Variants in TRIM33 observed in about 807,000 individuals in gnomAD.
TRIM33 encodes tripartite motif containing 33.
In TRIM33, 20 loss-of-function variants were observed where a neutral mutation model predicts 125.4. The ratio of observed to expected loss-of-function variants is 0.16; its 90% CI spans 0.11 to 0.23. The LOEUF (loss-of-function observed/expected upper bound fraction) is 0.23. TRIM33 is among the 10% of genes least tolerant of loss of function. The probability of loss-of-function intolerance (pLI) is 1.00; values close to 1 mark genes in which losing one functional copy is unlikely to be tolerated. For synonymous variants in TRIM33, 564 were observed against 513.9 expected (o/e 1.10, Z -1.32); for missense variants, 920 against 1,411.4 (o/e 0.65, Z 5.58).
chr1:114,462,627 G>A (rs1452613844), intron 4 of TRIM33, among the ~76,000 whole-genome samples: 1 of 152,006 alleles, frequency 6.6e-6, no homozygotes, highest in South Asian at 2.1e-4. Context: ...GAATTCTGAG[G>A]GTACAAGGCT....
chr1:114,439,639 A>G (rs1648533121), intron 4 of TRIM33, among the ~76,000 whole-genome samples: 1 of 151,972 alleles, frequency 6.6e-6, no homozygotes, highest in African/African-American at 2.4e-5. Context: ...AATATTAGAA[A>G]TAGTAGTTAC....
At chr1:114,425,810 T>A in intron 8 of TRIM33, 87 bp from the exon 9 acceptor site, 1 of 969,512 alleles carries the variant, frequency 1.0e-6, no homozygotes, top group Non-Finnish European at 1.5e-6. Flanking sequence ...CTCTTTCCTC[T>A]GACAACTATC....
intron 1 of TRIM33, among the ~76,000 whole-genome samples, chr1:114,488,426 CT>C: frequency 6.6e-6 from 1 of 152,182 alleles, no homozygotes; most frequent in Middle Eastern, 3.4e-3. Flanking sequence ...GTAATGCTAT[CT>C]ATTAATACAA....
intron 1 of TRIM33, among the ~76,000 whole-genome samples, chr1:114,504,321 A>G (rs1425361086): frequency 6.6e-6 from 1 of 152,004 alleles, no homozygotes; most frequent in Non-Finnish European, 1.5e-5. Flanking sequence ...ACGCACTACC[A>G]TGCCTATTTA....
intron 1 of TRIM33, among the ~76,000 whole-genome samples, chr1:114,464,747 G>A (rs114471385): frequency 1.1e-3 from 163 of 152,266 alleles, no homozygotes; most frequent in African/African-American, 3.4e-3. Context: ...TTTGTCCAGC[G>A]GGTCCTAAAC....
chr1:114,395,093 T>C lies in TRIM33; in HGVS notation c.*2555A>G, dbSNP rs747984697. The C allele has an allele frequency of 5.2e-6, 1 of 193,266 alleles. No homozygotes were observed. Among genetic ancestry groups the C allele is most frequent in the Non-Finnish European group, 1.1e-5 (1 of 92,726 alleles). 12.0% of individuals were successfully genotyped at this position (193,266 alleles called of 1,614,324 possible). Reference sequence around the variant, plus strand: ...ATCTAAATATCAATTTAAGTTTTTATACTTTTTAACCATAGGTATATTAGA... The same window carrying C: ...ATCTAAATATCAATTTAAGTTTTTACACTTTTTAACCATAGGTATATTAGA... On this transcript the variant is annotated 3_prime_UTR_variant, in exon 20 of 20. Coordinates refer to ENST00000358465, the MANE Select transcript of TRIM33 (RefSeq NM_015906.4).
intron 11 of TRIM33, among the ~76,000 whole-genome samples, chr1:114,421,040 C>A (rs915314772): frequency 6.6e-6 from 1 of 152,078 alleles, no homozygotes. Context: ...ATATACTATA[C>A]AGCCTCTAAA....
chr1:114,452,752 A>G (rs1572071518), intron 4 of TRIM33, among the ~76,000 whole-genome samples: 1 of 134,256 alleles, frequency 7.4e-6, no homozygotes, highest in East Asian at 2.2e-4. Context: ...AAAAAAAAAA[A>G]TTAGCCAGGG....
At chr1:114,488,101 C>T (rs1052970030) in intron 1 of TRIM33, among the ~76,000 whole-genome samples, 1 of 152,010 alleles carries the variant, frequency 6.6e-6, no homozygotes, top group Non-Finnish European at 1.5e-5. Context: ...CTATACTTCA[C>T]TCCAAATGGT....
At position 114,395,758 on chromosome 1, in the gene TRIM33, T is replaced by A. The variant is rs1651511143; in HGVS notation, c.*1890A>T. On this transcript the variant is annotated 3_prime_UTR_variant, in exon 20 of 20. Transcript: ENST00000358465. ...ATTTTCAACGGCTTAAATTATTTTTTAAAAATTGAAAGAAAAGTGAAAAGG... is the reference window on the plus strand; with the variant it reads ...ATTTTCAACGGCTTAAATTATTTTTAAAAAATTGAAAGAAAAGTGAAAAGG... 1.1e-5 allele frequency: 2 copies of A among 189,580 alleles called. No homozygotes were observed. The highest frequency in any genetic ancestry group is 8.4e-5 in the East Asian group (1 of 11,878). The allele number at this position is 189,580 out of a possible 1,614,324, so 11.7% of individuals were successfully genotyped here. A position where few individuals can be genotyped will look rare whatever the true frequency, so the allele number is the denominator to read the frequency against.
At chr1:114,419,371 A>T (rs934721440) in intron 11 of TRIM33, among the ~76,000 whole-genome samples, 6 of 151,936 alleles carry the variant, frequency 3.9e-5, no homozygotes, top group Non-Finnish European at 7.4e-5. Context: ...GGTCTCCGTG[A>T]ATTGATTTTG....
At chr1:114,398,128 C>T (rs961877403) in intron 18 of TRIM33, 138 bp from the exon 19 acceptor site, 1 of 815,486 alleles carries the variant, frequency 1.2e-6, no homozygotes, top group South Asian at 1.8e-5. Flanking sequence ...AAGTGCTTTT[C>T]TAAAATTCTA....
chr1:114,434,809 C>T lies in TRIM33; in HGVS notation c.924-1076G>A, dbSNP rs957009080. 2.6e-5 allele frequency among the ~76,000 whole-genome samples: 4 copies of T among 152,144 alleles called. No homozygotes were observed. The East Asian group carries it at 7.7e-4, about 29-fold the overall frequency. On this transcript the variant is annotated intron_variant, in intron 4 of 19. Transcript: ENST00000358465. ...ATATATAATTTACAAGAAACCACTGCCTAAATCGGCCTCAATACCAAGAAA... is the reference window on the plus strand; with the variant it reads ...ATATATAATTTACAAGAAACCACTGTCTAAATCGGCCTCAATACCAAGAAA...
In TRIM33 at chr1:114,412,770, G is replaced by A. The variant is rs118059743; in HGVS notation, c.2062-2454C>T. Among the ~76,000 whole-genome samples, 132 of 152,170 alleles carry A rather than the reference G, an allele frequency of 8.7e-4. 1 individual carries two copies. The East Asian group carries it at 0.016, about 19-fold the overall frequency. ...CATTTATTTGCAGGTGGATATTTGG[G>A]TTGTTTCCAGTTTTTGTCTTATTAC... On this transcript the variant is annotated intron_variant, in intron 11 of 19. Coordinates refer to ENST00000358465, the MANE Select transcript of TRIM33 (RefSeq NM_015906.4).
intron 1 of TRIM33, among the ~76,000 whole-genome samples, chr1:114,465,446 T>C (rs997108959): frequency 6.6e-6 from 1 of 152,180 alleles, no homozygotes; most frequent in African/African-American, 2.4e-5. Context: ...CCCCATGAGT[T>C]GTGTAGTACA....
rs1057223259 is a variant in TRIM33, at chr1:114,475,722, A to T, written c.527-11334T>A. On this transcript the variant is annotated intron_variant, in intron 1 of 19. Coordinates refer to ENST00000358465, the MANE Select transcript of TRIM33 (RefSeq NM_015906.4). The stretch of plus-strand genomic sequence containing the variant: ...GTTTAACAAAGCAAAAGAGAATGCC[A>T]CTTAGTATGACCAAGAAAAAACAGC... 4.6e-5 allele frequency among the ~76,000 whole-genome samples: 7 copies of T among 152,106 alleles called. No homozygotes were observed. The East Asian group carries it at 1.3e-3, about 29-fold the overall frequency.
intron 4 of TRIM33, among the ~76,000 whole-genome samples, chr1:114,461,246 A>G (rs1349359443): frequency 1.4e-5 from 2 of 145,232 alleles, no homozygotes; most frequent in Non-Finnish European, 1.5e-5. Flanking sequence ...ACATATATTT[A>G]TATTTTATAT....
rs1287498159 is a variant in TRIM33, at chr1:114,510,747, C to A, written c.330G>T (p.Ser110=). 2.0e-6 allele frequency: 3 copies of A among 1,523,760 alleles called. No homozygotes were observed. The highest frequency in any genetic ancestry group is 1.2e-5 in the South Asian group (1 of 82,704). The allele number at this position is 1,523,760 out of a possible 1,614,324, so 94.4% of individuals were successfully genotyped here. Residue 110 remains serine (S), a synonymous_variant, in exon 1 of 20, where the codon TCG becomes TCT. Coordinates refer to ENST00000358465, the MANE Select transcript of TRIM33 (RefSeq NM_015906.4). ...APASAPAPGP[S]AGPPPGPPAS... ...CTGGCGGTCCAGGAGGCGGCCCTGC[C>A]GAGGGACCCGGAGCGGGAGCCGAGG...
intron 1 of TRIM33, chr1:114,468,264 G>A: frequency 4.0e-6 from 1 of 249,598 alleles, no homozygotes; most frequent in South Asian, 4.6e-5. Context: ...CTGGGGGCTA[G>A]GGCTGATTTG....
Sources: gnomAD v4.1 joint callset for allele counts (sites outside exome capture counted in the v4.1 genomes callset) on GRCh38, gnomAD v4.1.1 for gene constraint, MANE v1.5 for transcripts, NCBI Gene and HGNC (gene_info 2026-07-23, HGNC 2026-07-21) for gene names.